RSRC1: variants seen among roughly 807,000 people sequenced by gnomAD.
RSRC1 encodes the protein arginine and serine rich coiled-coil 1, also known as serine/Arginine-related protein 53.
In RSRC1, 39 loss-of-function variants were observed where a neutral mutation model predicts 49.1. That is an observed-to-expected ratio of 0.79 (90% CI 0.61 to 1.04). The LOEUF (loss-of-function observed/expected upper bound fraction) is 1.04, where lower values mean the gene tolerates loss of function less well. Ranked by LOEUF, RSRC1 falls within the 50% of genes least tolerant of loss-of-function variation. RSRC1 has a pLI of 0.00. For missense variants in RSRC1, 388 were observed against 402.4 expected, an observed-to-expected ratio of 0.96 and a Z score of 0.31; for synonymous variants, 143 against 130.8, an observed-to-expected ratio of 1.09 and a Z score of -0.63.
At chr3:158,445,560 G>T (rs375104677) in intron 6 of RSRC1, among the ~76,000 whole-genome samples, 25 of 152,096 alleles carry the variant, frequency 1.6e-4, no homozygotes, top group African/African-American at 5.8e-4. Flanking sequence ...CATAAATGAC[G>T]AGTTAATGGG....
At chr3:158,393,960 A>G (rs1427199033) in intron 6 of RSRC1, among the ~76,000 whole-genome samples, 1 of 152,110 alleles carries the variant, frequency 6.6e-6, no homozygotes, top group Non-Finnish European at 1.5e-5. Context: ...ATCCACTAAA[A>G]TCAAGTAGGC....
intron 5 of RSRC1, among the ~76,000 whole-genome samples, chr3:158,340,369 T>G (rs558321567): frequency 6.6e-6 from 1 of 152,046 alleles, no homozygotes; most frequent in Admixed American, 6.6e-5. Flanking sequence ...GGTGAAACCC[T>G]GGCTCTACTA....
chr3:158,125,497 G>A (rs1028119918), intron 3 of RSRC1, among the ~76,000 whole-genome samples: 1 of 152,086 alleles, frequency 6.6e-6, no homozygotes, highest in Non-Finnish European at 1.5e-5. Flanking sequence ...TCAAGAGTGT[G>A]TAGTTTAATT....
chr3:158,397,512 T>G (rs1241516523), intron 6 of RSRC1, among the ~76,000 whole-genome samples: 1 of 152,164 alleles, frequency 6.6e-6, no homozygotes, highest in South Asian at 2.1e-4. Context: ...AAAATTTAAA[T>G]GACCCAGCAT....
chr3:158,324,108 T>C (rs2108174734), intron 5 of RSRC1, among the ~76,000 whole-genome samples: 1 of 152,312 alleles, frequency 6.6e-6, no homozygotes, highest in East Asian at 1.9e-4. Flanking sequence ...TACATTATAC[T>C]TCAGTATATC....
chr3:158,519,641 C>T (rs959061390), intron 7 of RSRC1, among the ~76,000 whole-genome samples: 1 of 151,962 alleles, frequency 6.6e-6, no homozygotes, highest in Non-Finnish European at 1.5e-5. Context: ...TACCAGCCTT[C>T]GTAAGTAAGA....
intron 7 of RSRC1, among the ~76,000 whole-genome samples, chr3:158,491,277 A>G (rs4431160): frequency 0.52 from 79,101 of 152,038 alleles, 21,130 homozygotes; most frequent in African/African-American, 0.64. Flanking sequence ...TTTTAATTTC[A>G]CAAATGTAAA....
intron 4 of RSRC1, among the ~76,000 whole-genome samples, chr3:158,231,035 T>G (rs1232721684): frequency 1.3e-5 from 2 of 152,042 alleles, no homozygotes; most frequent in African/African-American, 2.4e-5. Context: ...TAGAAGCCTA[T>G]TCTCGTGTTT....
At chr3:158,479,929 C>T (rs150299565) in intron 7 of RSRC1, among the ~76,000 whole-genome samples, 41 of 152,090 alleles carry the variant, frequency 2.7e-4, no homozygotes, top group African/African-American at 9.6e-4. Flanking sequence ...AGATTTTGCT[C>T]TCAAGCTTTC....
At chr3:158,391,020 A>G (rs1223795744) in intron 6 of RSRC1, among the ~76,000 whole-genome samples, 1 of 152,164 alleles carries the variant, frequency 6.6e-6, no homozygotes, top group Non-Finnish European at 1.5e-5. Context: ...ACAGTTGCGT[A>G]TCTGCTTCAT....
At chr3:158,165,573 T>C (rs1718486915) in intron 3 of RSRC1, among the ~76,000 whole-genome samples, 1 of 152,236 alleles carries the variant, frequency 6.6e-6, no homozygotes, top group Admixed American at 6.5e-5. Context: ...TCAATTTTGG[T>C]GGGCTTCAGC....
At chr3:158,223,890 C>T (rs1722365586) in intron 4 of RSRC1, among the ~76,000 whole-genome samples, 2 of 151,678 alleles carry the variant, frequency 1.3e-5, no homozygotes, top group Non-Finnish European at 2.9e-5. Flanking sequence ...TTCTCATTCT[C>T]ATTATTTAGT....
intron 7 of RSRC1, among the ~76,000 whole-genome samples, chr3:158,521,829 T>C (rs1299148868): frequency 6.6e-6 from 1 of 152,156 alleles, no homozygotes; most frequent in Non-Finnish European, 1.5e-5. Flanking sequence ...GGCTAAAATA[T>C]ATAATCTCAC....
chr3:158,284,410 T>A (rs977961645), intron 4 of RSRC1, among the ~76,000 whole-genome samples: 3 of 146,874 alleles, frequency 2.0e-5, no homozygotes, highest in African/African-American at 7.7e-5. Flanking sequence ...ATATACCCAG[T>A]AATGGGATGG....
At chr3:158,543,306 T>C (rs758816466) in intron 8 of RSRC1, 29 bp from the exon 9 acceptor site, 10 of 1,487,648 alleles carry the variant, frequency 6.7e-6, no homozygotes, top group Non-Finnish European at 8.9e-6. Context: ...GTGTATTGTG[T>C]TGAAATTAAT....
chr3:158,385,111 C>G (rs748375752), intron 6 of RSRC1, among the ~76,000 whole-genome samples: 1 of 152,106 alleles, frequency 6.6e-6, no homozygotes, highest in Non-Finnish European at 1.5e-5. Flanking sequence ...GAACACTCCG[C>G]TATCACTGAA....
intron 4 of RSRC1, among the ~76,000 whole-genome samples, chr3:158,281,328 CTT>C (rs151165233): frequency 7.8e-5 from 11 of 140,930 alleles, no homozygotes; most frequent in Non-Finnish European, 9.3e-5. Flanking sequence ...TGAGCATAAG[CTT>C]TTTTTTTTTT....
chr3:158,448,769 G>C (rs970515216), intron 6 of RSRC1, among the ~76,000 whole-genome samples: 1 of 151,864 alleles, frequency 6.6e-6, no homozygotes, highest in African/African-American at 2.4e-5. Context: ...AAAAGAAAGA[G>C]CACATGAAGT....
intron 7 of RSRC1, among the ~76,000 whole-genome samples, chr3:158,513,194 A>G (rs1196765514): frequency 6.7e-6 from 1 of 149,414 alleles, no homozygotes. Flanking sequence ...GTCTTGTGCC[A>G]GTTTTCAAAG....
Sources: allele counts gnomAD v4.1 joint callset (sites outside exome capture counted in the v4.1 genomes callset), GRCh38; gene constraint gnomAD v4.1.1; transcripts MANE v1.5; gene names NCBI Gene and HGNC (gene_info 2026-07-23, HGNC 2026-07-21).